Variants in EDEM1 observed in about 807,000 individuals in gnomAD.
The protein encoded by EDEM1 is ER degradation enhancing alpha-mannosidase like protein 1, also known as ER degradation-enhancing alpha-mannosidase-like protein 1.
A neutral mutation model predicts 74.4 loss-of-function variants in EDEM1; 67 were observed. The observed-to-expected ratio is 0.90, with a 90% CI of 0.74 to 1.10. The LOEUF is 1.10. EDEM1 is among the 50% of genes least tolerant of loss of function. The pLI is 0.00. For missense variants in EDEM1, 926 were observed against 851.6 expected, an observed-to-expected ratio of 1.09 and a Z score of -1.09; for synonymous variants, 382 against 335.9, an observed-to-expected ratio of 1.14 and a Z score of -1.50.
rs2055232700 is a variant in EDEM1 at position 5,216,144 on chromosome 3, C to T, written c.*226C>T. ...GGATATAATTTGAAGTGAGAAGATA[C>T]ATGGAAATTGCCCTCTTATGACATG... On this transcript the variant is annotated 3_prime_UTR_variant, in exon 12 of 12. Coordinates refer to ENST00000256497, the MANE Select transcript of EDEM1 (RefSeq NM_014674.3). 2 of 525,592 alleles carry T rather than the reference C, an allele frequency of 3.8e-6. No individual in the cohort carries two copies. The highest frequency in any genetic ancestry group is 2.8e-5 in the South Asian group (1 of 35,384). 32.6% of individuals were successfully genotyped at this position (525,592 alleles called of 1,614,324 possible). A position where few individuals can be genotyped will look rare whatever the true frequency, so the allele number is the denominator to read the frequency against.
rs1233706815 is a variant in EDEM1 at position 5,188,143 on chromosome 3, A to G, written c.338A>G (p.Glu113Gly). The G allele has an allele frequency of 2.0e-6, 3 of 1,535,100 alleles. No homozygotes were observed. Among genetic ancestry groups the G allele is most frequent in the Non-Finnish European group, 1.8e-6 (2 of 1,141,080 alleles). ...GGCGGCCGGGGCCGCGGCCCGGACG[A>G]GTACGAGAAGCGCTACAGCGGCGCC... Reference protein sequence around the residue: ...VLGGRGRGPDEYEKRYSGAFP... With the variant: ...VLGGRGRGPDGYEKRYSGAFP... Residue 113 changes from glutamate (E) to glycine (G), a missense_variant, in exon 1 of 12, where the codon GAG (glutamate) becomes GGG (glycine). Physicochemically the swap from Glu to Gly is moderately conservative, Grantham distance 98. Coordinates refer to ENST00000256497, the MANE Select transcript of EDEM1 (RefSeq NM_014674.3).
In EDEM1 at chr3:5,213,473, T is replaced by C; in HGVS notation, c.1835T>C (p.Val612Ala). The C allele has an allele frequency of 6.2e-7, 1 of 1,614,012 alleles. No homozygotes were observed. Among genetic ancestry groups the C allele is most frequent in the Non-Finnish European group, 8.5e-7 (1 of 1,179,918 alleles). ...EGGQDQGGKS[V>A]HRPKPHELKV... ...GGGCAGGACCAAGGGGGAAAGTCTG[T>C]GCACAGGCCGAAACCTCATGAGTTA... The change falls in exon 11 of 12, where the codon GTG becomes GCG. Residue 612 changes from valine to alanine, a missense_variant. Val to Ala is a moderately conservative substitution (Grantham distance 64, BLOSUM62 0). Coordinates refer to ENST00000256497, the MANE Select transcript of EDEM1 (RefSeq NM_014674.3).
In EDEM1 at chr3:5,188,080, C is replaced by T. The variant is rs1001475091; in HGVS notation, c.275C>T (p.Pro92Leu). The T allele has an allele frequency of 5.4e-6, 8 of 1,487,066 alleles. No homozygotes were observed. In the African/African-American group the frequency reaches 1.0e-4, roughly 19 times the overall value. The allele number at this position is 1,487,066 out of a possible 1,614,324, so 92.1% of individuals were successfully genotyped here. ...SPRKAPRRPG[P>L]GMCGPANWGY... is the part of the protein sequence containing the mutation. Reference sequence around the variant, plus strand: ...CGCAAGGCTCCGCGGCGTCCTGGGCCGGGGATGTGCGGCCCAGCCAACTGG... The same window carrying T: ...CGCAAGGCTCCGCGGCGTCCTGGGCTGGGGATGTGCGGCCCAGCCAACTGG... The change falls in exon 1 of 12, where the codon CCG (proline) becomes CTG (leucine). Residue 92 changes from proline to leucine, a missense_variant. By Grantham distance (98) the Pro-to-Leu change is moderately conservative (BLOSUM62 -3). Transcript: ENST00000256497.
chr3:5,207,692 G>C (rs1281421005), intron 7 of EDEM1, among the ~76,000 whole-genome samples: 1 of 152,082 alleles, frequency 6.6e-6, no homozygotes, highest in Non-Finnish European at 1.5e-5. Context: ...ACTTTTAGTA[G>C]AGACGGGGTT....
intron 1 of EDEM1, among the ~76,000 whole-genome samples, chr3:5,193,439 A>G (rs1350018502): frequency 1.3e-5 from 2 of 152,106 alleles, no homozygotes; most frequent in East Asian, 1.9e-4. Flanking sequence ...ACCTTTTGCT[A>G]TTGTATAAGT....
rs186779198 is a variant in EDEM1 at position 5,211,890 on chromosome 3, C to G, written c.1680+674C>G. On this transcript the variant is annotated intron_variant, in intron 10 of 11. Transcript: ENST00000256497. ...TGCTCTTTCCATCTCACCGCTCTGC[C>G]TCGTGCATACAGCCACTCTCGTGCC... is the stretch of plus-strand genomic sequence containing the variant. Among the ~76,000 whole-genome samples, 209 of 152,224 alleles carry G rather than the reference C, an allele frequency of 1.4e-3. 1 individual carries two copies. Among genetic ancestry groups the G allele is most frequent in the African/African-American group, 4.9e-3 (202 of 41,512 alleles).
chr3:5,191,093 C>T (rs2054897073), intron 1 of EDEM1, among the ~76,000 whole-genome samples: 1 of 152,150 alleles, frequency 6.6e-6, no homozygotes, highest in African/African-American at 2.4e-5. Flanking sequence ...TGACTGTAGT[C>T]CTCCTGTTAT....
At position 5,214,119 on chromosome 3, in the gene EDEM1, G is replaced by C. The variant is rs149067645; in HGVS notation, c.1884+597G>C. On this transcript the variant is annotated intron_variant, in intron 11 of 11. Coordinates refer to ENST00000256497, the MANE Select transcript of EDEM1 (RefSeq NM_014674.3). ...TTTAAAGTGGGGCTTTACTCCACAT[G>C]CCTAGATTGTCCTGAGAAGCAGCAG... Among the ~76,000 whole-genome samples, 8 of 152,346 alleles carry C rather than the reference G, an allele frequency of 5.3e-5. No homozygotes were observed. The East Asian group carries it at 1.3e-3, about 26-fold the overall frequency.
intron 2 of EDEM1, 101 bp downstream of exon 2, chr3:5,195,382 C>A: frequency 3.8e-6 from 2 of 529,224 alleles, no homozygotes; most frequent in South Asian, 8.5e-5. Context: ...CCTGATAAGT[C>A]AAAATGTATC....
chr3:5,190,485 A>G (rs145712157), intron 1 of EDEM1, among the ~76,000 whole-genome samples: 17 of 152,366 alleles, frequency 1.1e-4, no homozygotes, highest in African/African-American at 2.4e-4. Flanking sequence ...CCTTCCCAGC[A>G]AAGTGAGGTG....
chr3:5,190,395 C>T (rs343418), intron 1 of EDEM1, among the ~76,000 whole-genome samples: 111,039 of 151,706 alleles, frequency 0.73, 44,047 homozygotes, highest in Middle Eastern at 0.87. Flanking sequence ...GAGAATATGA[C>T]GGTTTGGAGA....
At chr3:5,215,228 T>G (rs1240871797) in intron 11 of EDEM1, among the ~76,000 whole-genome samples, 1 of 151,594 alleles carries the variant, frequency 6.6e-6, no homozygotes, top group African/African-American at 2.4e-5. Context: ...AGACAACTGC[T>G]TCCAGGGATG....
At chr3:5,192,683 G>A (rs1358307676) in intron 1 of EDEM1, among the ~76,000 whole-genome samples, 1 of 152,204 alleles carries the variant, frequency 6.6e-6, no homozygotes, top group Non-Finnish European at 1.5e-5. Context: ...TAGTGGGCTG[G>A]CATAAATGGA....
rs1306313921 is a variant in EDEM1, at chr3:5,211,203, A to G, written c.1667A>G (p.Lys556Arg). The change falls in exon 10 of 12, where the codon AAA becomes AGA. Residue 556 changes from lysine to arginine, a missense_variant. Physicochemically the swap from Lys to Arg is conservative, Grantham distance 26 (BLOSUM62 2). Coordinates refer to ENST00000256497, the MANE Select transcript of EDEM1 (RefSeq NM_014674.3). ...MESFFLSETC[K>R]YLYLLFDEDN... ...AGCTTCTTTCTCAGTGAGACCTGTAAATATTTGTATCTGGTATGTGTGTTG... is the reference window on the plus strand; with the variant it reads ...AGCTTCTTTCTCAGTGAGACCTGTAGATATTTGTATCTGGTATGTGTGTTG... 6.2e-7 allele frequency: 1 copy of G among 1,613,960 alleles called. No individual in the cohort carries two copies. The highest frequency in any genetic ancestry group is 8.5e-7 in the Non-Finnish European group (1 of 1,179,978).
At chr3:5,197,696 A>G (rs2054986465) in intron 2 of EDEM1, among the ~76,000 whole-genome samples, 1 of 152,346 alleles carries the variant, frequency 6.6e-6, no homozygotes, top group East Asian at 1.9e-4. Flanking sequence ...TTTTGCTAAC[A>G]TTTAAACAGG....
In EDEM1 at chr3:5,205,178, A is replaced by T; in HGVS notation, c.1154A>T (p.Glu385Val). 6.2e-7 allele frequency: 1 copy of T among 1,614,184 alleles called. No individual in the cohort carries two copies. Among genetic ancestry groups the T allele is most frequent in the South Asian group, 1.1e-5 (1 of 91,078 alleles). ...YLLKSYILFG[E>V]KEDLEMFNAA... ...TTGAAATCTTACATTCTCTTTGGAG[A>T]AAAAGAAGACCTAGAAATGTTTAAT... Residue 385 changes from glutamate to valine, a missense_variant, in exon 6 of 12, where the codon GAA (glutamate) becomes GTA (valine). Transcript: ENST00000256497.
rs535855917 is a variant in EDEM1, at chr3:5,199,618, G to A, written c.609G>A (p.Gln203=). 1.6e-4 allele frequency: 258 copies of A among 1,613,440 alleles called. 4 individuals carry two copies. Among genetic ancestry groups the A allele is most frequent in the South Asian group, 1.5e-3 (137 of 90,908 alleles). The change falls in exon 3 of 12, where the codon CAG becomes CAA. Residue 203 remains glutamine (Q), a synonymous_variant. Transcript: ENST00000256497. ...TAATGGGAAATTCATCCGAGTTCCA[G>A]AAAGCCGTCAAGTTAGTGATCAACA... ...LAIMGNSSEF[Q]KAVKLVINTV... is the part of the protein sequence containing the mutation.
intron 6 of EDEM1, 136 bp downstream of exon 6, chr3:5,205,377 C>T: frequency 2.3e-6 from 2 of 872,242 alleles, no homozygotes; most frequent in Non-Finnish European, 3.4e-6. Context: ...CCTAGTTTGT[C>T]AGTCATCTGG....
At position 5,215,933 on chromosome 3, in the gene EDEM1, G is replaced by A. The variant is rs2055229466; in HGVS notation, c.*15G>A. 1.2e-6 allele frequency: 2 copies of A among 1,607,260 alleles called. No homozygotes were observed. Among genetic ancestry groups the A allele is most frequent in the Admixed American group, 1.7e-5 (1 of 58,808 alleles). On this transcript the variant is annotated 3_prime_UTR_variant, in exon 12 of 12. Coordinates refer to ENST00000256497, the MANE Select transcript of EDEM1 (RefSeq NM_014674.3). ...GTTTGATTTGATCTGCTCTCTGTGAGGCCTCATCTTGAACCAGACCTTAAC... is the reference window on the plus strand; with the variant it reads ...GTTTGATTTGATCTGCTCTCTGTGAAGCCTCATCTTGAACCAGACCTTAAC...
Sources: allele counts gnomAD v4.1 joint callset (sites outside exome capture counted in the v4.1 genomes callset), GRCh38; gene constraint gnomAD v4.1.1; transcripts MANE v1.5; gene names NCBI Gene and HGNC (gene_info 2026-07-23, HGNC 2026-07-21).